Variants in CLCN2 observed in about 807,000 individuals in gnomAD.
CLCN2 encodes the protein chloride channel protein 2.
CLCN2 carries 72 observed loss-of-function variants against 108.3 expected under a neutral mutation model. The observed-to-expected ratio is 0.66, with a 90% CI of 0.55 to 0.81. CLCN2 has a LOEUF of 0.81. CLCN2 is among the 30% of genes least tolerant of loss of function. The pLI is 0.00. For synonymous variants in CLCN2, 471 were observed against 467.1 expected (o/e 1.01, Z -0.11); for missense variants, 1,048 against 1,205.2 (o/e 0.87, Z 1.93).
chr3:184,360,934 G>C lies in CLCN2; in HGVS notation c.63+483C>G, dbSNP rs976552260. On this transcript the variant is annotated intron_variant, in intron 1 of 23. Transcript: ENST00000265593. ...GAGGGGCTCCTGGAGCCAACGCTGG[G>C]TGTGGAGCCTCCAGAGGTAGGGTCT... 1.1e-4 allele frequency among the ~76,000 whole-genome samples: 17 copies of C among 152,356 alleles called. No individual in the cohort carries two copies. The Middle Eastern group carries it at 0.017, about 152-fold the overall frequency.
Position 184,357,095 on chromosome 3 carries a change from C to T in CLCN2, c.984-1G>A. 6.2e-7 allele frequency: 1 copy of T among 1,613,308 alleles called. No homozygotes were observed. The highest frequency in any genetic ancestry group is 8.5e-7 in the Non-Finnish European group (1 of 1,179,514). On this transcript the variant is annotated splice_acceptor_variant, in intron 9 of 23. Coordinates refer to ENST00000265593, the MANE Select transcript of CLCN2 (RefSeq NM_004366.6). LOFTEE classifies it high-confidence loss of function. ...GGCTCCACCGAAGCCACTAGCAATA[C>T]TGGAAAGGGAAGAGGCACCTGAGTG...
At position 184,357,136 on chromosome 3, in the gene CLCN2, G is replaced by A. The variant is rs373597933; in HGVS notation, c.984-42C>T. The A allele has an allele frequency of 7.7e-5, 124 of 1,609,826 alleles. 1 individual carries two copies. The highest frequency in any genetic ancestry group is 1.0e-4 in the Non-Finnish European group (120 of 1,177,248). On this transcript the variant is annotated intron_variant, in intron 9 of 23. Coordinates refer to ENST00000265593, the MANE Select transcript of CLCN2 (RefSeq NM_004366.6). Reference sequence around the variant, plus strand: ...CACCTGAGTGAAAAGGAGCCTTCTAGAAACCCCCCTCCTCTCTGATACCCC... The same window carrying A: ...CACCTGAGTGAAAAGGAGCCTTCTAAAAACCCCCCTCCTCTCTGATACCCC...
rs114702742 is a variant in CLCN2 at position 184,352,781 on chromosome 3, G to A, written c.2173C>T (p.Arg725Trp). The A allele has an allele frequency of 7.9e-4, 1,282 of 1,613,196 alleles. 8 individuals carry two copies. The African/African-American group carries it at 0.012, about 16-fold the overall frequency. ...GGTGGACTGCCACAGAAGAGGCTCC[G>A]GAGGGCGATGCCTGCCGACTCTGCG... ...GSAESAGIAL[R>W]SLFCGSPPPE... Residue 725 changes from arginine to tryptophan, a missense_variant, in exon 19 of 24, where the codon CGG (arginine) becomes TGG (tryptophan). Arg to Trp is a moderately radical substitution (Grantham distance 101, BLOSUM62 -3). Coordinates refer to ENST00000265593, the MANE Select transcript of CLCN2 (RefSeq NM_004366.6).
In CLCN2 at chr3:184,355,116, A is replaced by AC; in HGVS notation, c.1327-144dup. Reference sequence around the variant, plus strand: ...CCGTAACCCTCCTAGCTACCCTGGGACCCCCAGGCCTCCCAGGTGATGGCA... The same window carrying AC: ...CCGTAACCCTCCTAGCTACCCTGGGACCCCCCAGGCCTCCCAGGTGATGGCA... On this transcript the variant is annotated intron_variant, in intron 12 of 23. Coordinates refer to ENST00000265593, the MANE Select transcript of CLCN2 (RefSeq NM_004366.6). This position sits in a 1 kb window ranked among gnomAD's most constrained non-coding sequence, Gnocchi z 6.3. 2.3e-6 allele frequency: 2 copies of AC among 865,178 alleles called. No individual in the cohort carries two copies. Among genetic ancestry groups the AC allele is most frequent in the Non-Finnish European group, 1.9e-6 (1 of 531,136 alleles). The allele number at this position is 865,178 out of a possible 1,614,324, so 53.6% of individuals were successfully genotyped here. A position where few individuals can be genotyped will look rare whatever the true frequency, so the allele number is the denominator to read the frequency against.
chr3:184,358,960 C>A lies in CLCN2; in HGVS notation c.220+15G>T. 4 of 1,613,564 alleles carry A rather than the reference C, an allele frequency of 2.5e-6. No individual in the cohort carries two copies. The highest frequency in any genetic ancestry group is 3.4e-6 in the Non-Finnish European group (4 of 1,179,952). On this transcript the variant is annotated intron_variant, in intron 2 of 23. Coordinates refer to ENST00000265593, the MANE Select transcript of CLCN2 (RefSeq NM_004366.6). ...ACAGCACAGCCAGGTCCCCTGCCCC[C>A]ACCCCAGTTCTCACCGCGGCATCGG...
chr3:184,354,882 GA>G (rs760404958), intron 13 of CLCN2, 21 bp downstream of exon 13: 3 of 1,611,142 alleles, frequency 1.9e-6, no homozygotes, highest in Non-Finnish European at 2.5e-6. Flanking sequence ...CAGGCTGGGT[GA>G]GCAGGCAGCT....
In CLCN2 at chr3:184,346,802, T is replaced by C; in HGVS notation, c.2503-2A>G. The C allele has an allele frequency of 5.6e-6, 9 of 1,613,952 alleles. No homozygotes were observed. Among genetic ancestry groups the C allele is most frequent in the Non-Finnish European group, 7.6e-6 (9 of 1,179,976 alleles). Reference sequence around the variant, plus strand: ...AGAGCCCTCGATGGCCTTCCGGAGCTGGAAAGGTGAGAGGGACAGATGTCT... The same window carrying C: ...AGAGCCCTCGATGGCCTTCCGGAGCCGGAAAGGTGAGAGGGACAGATGTCT... On this transcript the variant is annotated splice_acceptor_variant, in intron 23 of 23. Transcript: ENST00000265593. LOFTEE classifies it high-confidence loss of function. This position sits in a 1 kb window ranked among gnomAD's most constrained non-coding sequence, Gnocchi z 6.0.
Position 184,353,071 on chromosome 3 carries a change from C to T in CLCN2, c.2105G>A (p.Gly702Glu). 1 of 1,614,184 alleles carries T rather than the reference C, an allele frequency of 6.2e-7. No homozygotes were observed. Residue 702 changes from glycine (G) to glutamate (E), a missense_variant, in exon 18 of 24, where the codon GGG becomes GAG. Transcript: ENST00000265593. Reference sequence around the variant, plus strand: ...TCCGAGGTTCCTGGTGACACTGGGCCCCCTCTTGAGTGCAGGCTTTAGGGG... The same window carrying T: ...TCCGAGGTTCCTGGTGACACTGGGCTCCCTCTTGAGTGCAGGCTTTAGGGG... ...HKPLKPALKR[G>E]PSVTRNLGES...
intron 3 of CLCN2, 38 bp from the exon 4 acceptor site, chr3:184,358,348 A>G (rs892816517): frequency 6.2e-7 from 1 of 1,612,138 alleles, no homozygotes; most frequent in Non-Finnish European, 8.5e-7. Flanking sequence ...CAGTGCACAC[A>G]CCCACTGCCT....
At chr3:184,353,522 C>T (rs1174576174) in intron 16 of CLCN2, 100 bp from the exon 17 acceptor site, 9 of 1,542,174 alleles carry the variant, frequency 5.8e-6, no homozygotes, top group African/African-American at 5.5e-5. Flanking sequence ...GCAGGCCACA[C>T]ACCAGAGGGA....
intron 22 of CLCN2, among the ~76,000 whole-genome samples, chr3:184,349,746 G>A (rs922977701): frequency 6.6e-6 from 1 of 152,166 alleles, no homozygotes; most frequent in Non-Finnish European, 1.5e-5. Context: ...TTACAGATCG[G>A]GAAAGTGAAG....
In CLCN2 at chr3:184,359,115, G is replaced by A. The variant is rs778602293; in HGVS notation, c.80C>T (p.Thr27Ile). Residue 27 changes from threonine to isoleucine, a missense_variant, in exon 2 of 24, where the codon ACT becomes ATT. By Grantham distance (89) the Thr-to-Ile change is moderately conservative (BLOSUM62 -1). Transcript: ENST00000265593. Reference sequence around the variant, plus strand: ...TTTGGCAAAGGCCCCAAGGTCCTGAGTGTACCGGCCATACATCTGGAGCAA... The same window carrying A: ...TTTGGCAAAGGCCCCAAGGTCCTGAATGTACCGGCCATACATCTGGAGCAA... ...YEQTLMYGRY[T>I]QDLGAFAKEE... 3.1e-6 allele frequency: 5 copies of A among 1,613,762 alleles called. No individual in the cohort carries two copies. Among genetic ancestry groups the A allele is most frequent in the Non-Finnish European group, 3.4e-6 (4 of 1,180,046 alleles).
intron 22 of CLCN2, among the ~76,000 whole-genome samples, chr3:184,351,137 T>C (rs138514496): frequency 2.1e-4 from 32 of 152,312 alleles, no homozygotes; most frequent in Middle Eastern, 6.8e-3. Flanking sequence ...TTGTCCATGC[T>C]ATACTGGCTC....
At chr3:184,347,251 A>G in intron 22 of CLCN2, 1 of 584,082 alleles carries the variant, frequency 1.7e-6, no homozygotes, top group Admixed American at 2.7e-5. Context: ...TATTGCTTAC[A>G]CTGACGGAGA....
intron 1 of CLCN2, 132 bp from the exon 2 acceptor site, chr3:184,359,263 C>T: frequency 8.7e-7 from 1 of 1,143,206 alleles, no homozygotes; most frequent in Non-Finnish European, 1.3e-6. Flanking sequence ...ACAGTTCCCA[C>T]TCTGGCCCGA....
At position 184,361,487 on chromosome 3, in the gene CLCN2, C is replaced by G; in HGVS notation, c.-8G>C. ...CGCCGCCGCGGCCGCCATCTCCGCGCACTGCCCTCTCGCCTCCCTCGGCGG... is the reference window on the plus strand; with the variant it reads ...CGCCGCCGCGGCCGCCATCTCCGCGGACTGCCCTCTCGCCTCCCTCGGCGG... On this transcript the variant is annotated 5_prime_UTR_variant, in exon 1 of 24. Transcript: ENST00000265593. This position sits in a 1 kb window ranked among gnomAD's most constrained non-coding sequence, Gnocchi z 6.6. The G allele has an allele frequency of 6.2e-7, 1 of 1,611,178 alleles. No homozygotes were observed. Among genetic ancestry groups the G allele is most frequent in the Admixed American group, 1.7e-5 (1 of 60,016 alleles).
intron 1 of CLCN2, among the ~76,000 whole-genome samples, chr3:184,360,270 C>A (rs1236097309): frequency 6.6e-6 from 1 of 151,972 alleles, no homozygotes; most frequent in African/African-American, 2.4e-5. Flanking sequence ...CAGGCTGGAG[C>A]ACAGAGTGCC....
Position 184,352,066 on chromosome 3 carries a change from A to G in CLCN2, c.2362T>C (p.Cys788Arg), listed in dbSNP as rs1425604526. ...TGGAAGGGAGCAGGATCAATTTTGC[A>G]GTCACTGAAGTTGACAGGTTCATCT... ...QLDEPVNFSD[C>R]KIDPAPFQLV... Residue 788 changes from cysteine to arginine, a missense_variant, in exon 22 of 24, where the codon TGC (cysteine) becomes CGC (arginine). Physicochemically the swap from Cys to Arg is radical, Grantham distance 180. Transcript: ENST00000265593. 1 of 1,613,752 alleles carries G rather than the reference A, an allele frequency of 6.2e-7. No homozygotes were observed. The highest frequency in any genetic ancestry group is 8.5e-7 in the Non-Finnish European group (1 of 1,179,970).
In CLCN2 at chr3:184,353,393, G is replaced by A. The variant is rs1204319337; in HGVS notation, c.1885C>T (p.Arg629Cys). 10 of 1,612,150 alleles carry A rather than the reference G, an allele frequency of 6.2e-6. No individual in the cohort carries two copies. In the East Asian group the frequency reaches 8.9e-5, roughly 14 times the overall value. ...CCCAACAATGCCACCACCTGTGAAC[G>A]CTCGATGGAGCCCAGCAGAATCATG... is the stretch of plus-strand genomic sequence containing the variant. The part of the protein sequence containing the change: ...ESMILLGSIE[R>C]SQVVALLGAQ... The change falls in exon 17 of 24, where the codon CGT (arginine) becomes TGT (cysteine). Residue 629 changes from arginine to cysteine, a missense_variant. Physicochemically the swap from Arg to Cys is radical, Grantham distance 180 (BLOSUM62 -3). Coordinates refer to ENST00000265593, the MANE Select transcript of CLCN2 (RefSeq NM_004366.6).
Sources: allele counts gnomAD v4.1 joint callset (sites outside exome capture counted in the v4.1 genomes callset), GRCh38; gene constraint gnomAD v4.1.1; non-coding constraint Gnocchi (gnomAD v3.1); transcripts MANE v1.5; gene names NCBI Gene and HGNC (gene_info 2026-07-23, HGNC 2026-07-21).